Variants in KCNH7 observed in about 807,000 individuals in gnomAD.
KCNH7 encodes the protein potassium voltage-gated channel subfamily H member 7.
A neutral mutation model predicts 120.8 loss-of-function variants in KCNH7; 49 were observed. That is an observed-to-expected ratio of 0.41 (90% CI 0.32 to 0.51). The LOEUF (loss-of-function observed/expected upper bound fraction) is 0.51, where lower values mean the gene tolerates loss of function less well. KCNH7 is among the 20% of genes least tolerant of loss of function. The probability of loss-of-function intolerance (pLI) is 0.38; values close to 1 mark genes in which losing one functional copy is unlikely to be tolerated. For missense variants in KCNH7, 1,097 were observed against 1,446.6 expected, an observed-to-expected ratio of 0.76 and a Z score of 3.92; for synonymous variants, 547 against 516.1, an observed-to-expected ratio of 1.06 and a Z score of -0.81.
intron 2 of KCNH7, among the ~76,000 whole-genome samples, chr2:162,787,225 T>A (rs1683742611): frequency 6.6e-6 from 1 of 152,028 alleles, no homozygotes. Context: ...CCTCCATGGA[T>A]TCAGATCCCA....
At chr2:162,386,144 T>C (rs1686564080) in intron 12 of KCNH7, among the ~76,000 whole-genome samples, 1 of 151,918 alleles carries the variant, frequency 6.6e-6, no homozygotes, top group Non-Finnish European at 1.5e-5. Flanking sequence ...ACCTTTCCGA[T>C]CTCCAACATT....
chr2:162,486,472 A>G (rs1291827634), intron 6 of KCNH7, among the ~76,000 whole-genome samples: 3 of 152,226 alleles, frequency 2.0e-5, no homozygotes, highest in African/African-American at 7.2e-5. Context: ...TTTAAAGTAG[A>G]AAAAGAAATA....
chr2:162,809,079 C>A (rs1283173809), intron 2 of KCNH7, among the ~76,000 whole-genome samples: 1 of 152,138 alleles, frequency 6.6e-6, no homozygotes, highest in African/African-American at 2.4e-5. Context: ...TAGATGGAGT[C>A]ATTTTCAAGA....
intron 2 of KCNH7, among the ~76,000 whole-genome samples, chr2:162,681,647 T>C (rs1159373869): frequency 1.3e-5 from 2 of 151,750 alleles, no homozygotes; most frequent in African/African-American, 4.8e-5. Flanking sequence ...TTAATGTTGC[T>C]AATTGGAATG....
chr2:162,434,056 G>GA (rs576120444), intron 8 of KCNH7, among the ~76,000 whole-genome samples: 8 of 151,700 alleles, frequency 5.3e-5, no homozygotes, highest in East Asian at 1.9e-4. Flanking sequence ...CCATAAAAAA[G>GA]AAAAAAAAGC....
At chr2:162,554,395 C>T (rs1692786691) in intron 2 of KCNH7, among the ~76,000 whole-genome samples, 1 of 151,820 alleles carries the variant, frequency 6.6e-6, no homozygotes, top group African/African-American at 2.4e-5. Context: ...GAAAATTTGC[C>T]CCAAAAAATG....
At chr2:162,733,689 G>A (rs923715826) in intron 2 of KCNH7, among the ~76,000 whole-genome samples, 4 of 152,170 alleles carry the variant, frequency 2.6e-5, no homozygotes, top group Non-Finnish European at 4.4e-5. Context: ...CATCTTTTCA[G>A]CTCCTTTGGC....
chr2:162,678,114 C>T lies in KCNH7; in HGVS notation c.308-141034G>A, dbSNP rs555608802. On this transcript the variant is annotated intron_variant, in intron 2 of 15. Coordinates refer to ENST00000332142, the MANE Select transcript of KCNH7 (RefSeq NM_033272.4). Reference sequence around the variant, plus strand: ...GTAGATGTATGTACACATACATACACGTGTGTGTATGTGTCTGTGTGCGTA... The same window carrying T: ...GTAGATGTATGTACACATACATACATGTGTGTGTATGTGTCTGTGTGCGTA... 3.1e-4 allele frequency among the ~76,000 whole-genome samples: 47 copies of T among 150,052 alleles called. No homozygotes were observed. The South Asian group carries it at 9.3e-3, about 30-fold the overall frequency.
intron 2 of KCNH7, among the ~76,000 whole-genome samples, chr2:162,564,505 C>T (rs1220495748): frequency 6.6e-6 from 1 of 152,064 alleles, no homozygotes; most frequent in Non-Finnish European, 1.5e-5. Context: ...TTCACTAACC[C>T]GTAAAATTGC....
intron 6 of KCNH7, among the ~76,000 whole-genome samples, chr2:162,500,315 AAT>A (rs1470707140): frequency 2.0e-5 from 3 of 146,676 alleles, no homozygotes; most frequent in Non-Finnish European, 4.5e-5. Context: ...ATACACACAT[AAT>A]ATGTATATTA....
At chr2:162,782,268 A>ATG (rs1683526863) in intron 2 of KCNH7, among the ~76,000 whole-genome samples, 1 of 151,448 alleles carries the variant, frequency 6.6e-6, no homozygotes, top group Non-Finnish European at 1.5e-5. Flanking sequence ...TATATTGTTC[A>ATG]TAGATAATGA....
chr2:162,822,879 G>A (rs961329036), intron 2 of KCNH7, among the ~76,000 whole-genome samples: 4 of 152,306 alleles, frequency 2.6e-5, no homozygotes, highest in East Asian at 1.9e-4. Flanking sequence ...GCACAAGCCC[G>A]CACTCCTGTA....
At chr2:162,488,671 C>T (rs553361898) in intron 6 of KCNH7, among the ~76,000 whole-genome samples, 1 of 152,240 alleles carries the variant, frequency 6.6e-6, no homozygotes, top group East Asian at 1.9e-4. Flanking sequence ...CATAAATATC[C>T]CAAAAGAAAA....
At chr2:162,815,474 G>A (rs912351561) in intron 2 of KCNH7, among the ~76,000 whole-genome samples, 4 of 152,300 alleles carry the variant, frequency 2.6e-5, no homozygotes, top group East Asian at 1.9e-4. Flanking sequence ...TAATGCAACT[G>A]TATGTGCAGT....
At chr2:162,448,048 TATGAGAA>T (rs1337976945) in intron 6 of KCNH7, among the ~76,000 whole-genome samples, 1 of 152,078 alleles carries the variant, frequency 6.6e-6, no homozygotes, top group Non-Finnish European at 1.5e-5. Flanking sequence ...TTTAAGCTAT[TATGAGAA>T]ATGATGGCAG....
intron 6 of KCNH7, among the ~76,000 whole-genome samples, chr2:162,474,319 A>G (rs1442201148): frequency 6.6e-6 from 1 of 152,214 alleles, no homozygotes; most frequent in Non-Finnish European, 1.5e-5. Flanking sequence ...AGAAGATTAG[A>G]CATTCTCTTG....
At chr2:162,671,061 A>G (rs892962359) in intron 2 of KCNH7, among the ~76,000 whole-genome samples, 19 of 152,190 alleles carry the variant, frequency 1.2e-4, no homozygotes, top group Admixed American at 4.6e-4. Context: ...ATTATTAAAA[A>G]GTCAAAAAAC....
intron 2 of KCNH7, among the ~76,000 whole-genome samples, chr2:162,544,166 C>G (rs994149326): frequency 1.3e-5 from 2 of 151,974 alleles, no homozygotes; most frequent in African/African-American, 4.8e-5. Context: ...TTATTTTATC[C>G]CTGTGGATTG....
Position 162,836,580 on chromosome 2 carries a change from C to A in KCNH7, c.264G>T (p.Gly88=). Residue 88 remains glycine, a synonymous_variant, in exon 2 of 16, where the codon GGG becomes GGT. Coordinates refer to ENST00000332142, the MANE Select transcript of KCNH7 (RefSeq NM_033272.4). ...DIAQIAQALL[G]SEERKVEVTY... The stretch of plus-strand genomic sequence containing the variant: ...TGACCTCCACTTTCCTCTCTTCTGA[C>A]CCCAGCAATGCCTGGGCAATTTGGG... 2.5e-6 allele frequency: 4 copies of A among 1,614,082 alleles called. No individual in the cohort carries two copies. Among genetic ancestry groups the A allele is most frequent in the Non-Finnish European group, 3.4e-6 (4 of 1,180,002 alleles).
Sources: gnomAD v4.1 joint callset for allele counts (sites outside exome capture counted in the v4.1 genomes callset) on GRCh38, gnomAD v4.1.1 for gene constraint, MANE v1.5 for transcripts, NCBI Gene and HGNC (gene_info 2026-07-23, HGNC 2026-07-21) for gene names.